CTNND2: variants seen among roughly 807,000 people sequenced by gnomAD.
The protein encoded by CTNND2 is catenin delta-2.
A neutral mutation model predicts 144.4 loss-of-function variants in CTNND2; 22 were observed. That is an observed-to-expected ratio of 0.15 (90% CI 0.11 to 0.22). CTNND2 has a LOEUF of 0.22. Among genes scored for constraint, CTNND2 ranks in the 10% least tolerant of loss-of-function variants. CTNND2 has a pLI of 1.00. For missense variants in CTNND2, 1,353 were observed against 1,618.8 expected (o/e 0.84, Z 2.82); for synonymous variants, 751 against 695.6 (o/e 1.08, Z -1.25).
At position 11,512,133 on chromosome 5, in the gene CTNND2, C is replaced by T. The variant is rs191657322; in HGVS notation, c.287+52811G>A. ...CTTGGGCATATGACCTACGCAGTCT[C>T]ATTGGGCCCCACACTGAGAAGAACA... On this transcript the variant is annotated intron_variant, in intron 3 of 21. Transcript: ENST00000304623. 2.3e-3 allele frequency among the ~76,000 whole-genome samples: 343 copies of T among 152,286 alleles called. 2 individuals are homozygous for T. The highest frequency in any genetic ancestry group is 7.8e-3 in the African/African-American group (326 of 41,560).
intron 3 of CTNND2, among the ~76,000 whole-genome samples, chr5:11,427,234 T>A (rs765150507): frequency 1.3e-5 from 2 of 151,850 alleles, no homozygotes; most frequent in Non-Finnish European, 2.9e-5. Context: ...GAGAAAAGCC[T>A]TAGTATTTTT....
chr5:11,368,272 T>G (rs762496479), intron 7 of CTNND2, among the ~76,000 whole-genome samples: 8 of 152,170 alleles, frequency 5.3e-5, no homozygotes, highest in Non-Finnish European at 1.0e-4. Flanking sequence ...ATTTGCTGTA[T>G]AAGAACTACC....
intron 1 of CTNND2, among the ~76,000 whole-genome samples, chr5:11,792,655 G>C (rs768085508): frequency 2.0e-5 from 3 of 152,152 alleles, no homozygotes; most frequent in Non-Finnish European, 4.4e-5. Context: ...TGCCTGACAT[G>C]GCTTTTTATA....
At chr5:11,706,029 C>G (rs1309636230) in intron 2 of CTNND2, among the ~76,000 whole-genome samples, 1 of 152,200 alleles carries the variant, frequency 6.6e-6, no homozygotes, top group Non-Finnish European at 1.5e-5. Context: ...CACAGGTAGC[C>G]TCTAAGAACT....
At chr5:11,404,599 A>ATTTTTTT (rs1405789135) in intron 5 of CTNND2, among the ~76,000 whole-genome samples, 8 of 32,768 alleles carry the variant, frequency 2.4e-4, no homozygotes, top group Non-Finnish European at 7.7e-4. Flanking sequence ...CAGTATCTGT[A>ATTTTTTT]TTCTTTTTTT....
chr5:11,238,384 C>T (rs1477425083), intron 9 of CTNND2, among the ~76,000 whole-genome samples: 35 of 152,292 alleles, frequency 2.3e-4, no homozygotes. Flanking sequence ...TACATCCTAT[C>T]AATGCCAGGT....
At chr5:11,065,552 C>T (rs912928062) in intron 16 of CTNND2, among the ~76,000 whole-genome samples, 1 of 152,204 alleles carries the variant, frequency 6.6e-6, no homozygotes, top group Non-Finnish European at 1.5e-5. Context: ...AACAAACATC[C>T]TTGCCAATAT....
At chr5:11,875,026 G>T (rs1735455378) in intron 1 of CTNND2, among the ~76,000 whole-genome samples, 1 of 152,122 alleles carries the variant, frequency 6.6e-6, no homozygotes, top group African/African-American at 2.4e-5. Flanking sequence ...TGCCCATGTA[G>T]AAAACAAAGA....
chr5:11,543,797 A>G (rs188682019), intron 3 of CTNND2, among the ~76,000 whole-genome samples: 2 of 152,338 alleles, frequency 1.3e-5, no homozygotes, highest in East Asian at 3.9e-4. Flanking sequence ...ATTACTAATG[A>G]TGCTCTACCC....
At chr5:11,104,239 T>C (rs1432662183) in intron 14 of CTNND2, among the ~76,000 whole-genome samples, 1 of 152,198 alleles carries the variant, frequency 6.6e-6, no homozygotes, top group African/African-American at 2.4e-5. Flanking sequence ...CCAGAGATGC[T>C]GCAAGATAAA....
At chr5:10,995,993 G>C (rs370407962) in intron 18 of CTNND2, among the ~76,000 whole-genome samples, 1 of 152,332 alleles carries the variant, frequency 6.6e-6, no homozygotes, top group East Asian at 1.9e-4. Flanking sequence ...AAGGGAGGAA[G>C]GAAGGGGACG....
chr5:11,761,807 CA>C (rs894895560), intron 1 of CTNND2, among the ~76,000 whole-genome samples: 1 of 151,980 alleles, frequency 6.6e-6, no homozygotes, highest in Non-Finnish European at 1.5e-5. Context: ...CTATTTTATA[CA>C]AAAAATGTGT....
At chr5:11,602,518 T>A (rs1431369668) in intron 2 of CTNND2, among the ~76,000 whole-genome samples, 1 of 151,702 alleles carries the variant, frequency 6.6e-6, no homozygotes, top group Non-Finnish European at 1.5e-5. Context: ...CTTCCAGTAG[T>A]CTGTCCAGAT....
intron 5 of CTNND2, among the ~76,000 whole-genome samples, chr5:11,404,427 G>A (rs1306406777): frequency 6.6e-6 from 1 of 151,866 alleles, no homozygotes; most frequent in Non-Finnish European, 1.5e-5. Flanking sequence ...GAGACCCTTT[G>A]TTCCTGCCAT....
chr5:11,601,325 T>G (rs1450962982), intron 2 of CTNND2, among the ~76,000 whole-genome samples: 1 of 152,186 alleles, frequency 6.6e-6, no homozygotes, highest in African/African-American at 2.4e-5. Flanking sequence ...TCTTCTCCAT[T>G]TTGCATAGAC....
intron 1 of CTNND2, among the ~76,000 whole-genome samples, chr5:11,819,145 C>T (rs944674340): frequency 6.6e-6 from 1 of 152,026 alleles, no homozygotes; most frequent in African/African-American, 2.4e-5. Context: ...CAAATGTGAC[C>T]AAAGGAGGTA....
chr5:11,887,281 C>A (rs1333134607), intron 1 of CTNND2, among the ~76,000 whole-genome samples: 2 of 152,078 alleles, frequency 1.3e-5, no homozygotes, highest in Non-Finnish European at 2.9e-5. Flanking sequence ...CCACATCCGG[C>A]CTATTCTACT....
chr5:11,287,806 T>C (rs1747903847), intron 9 of CTNND2, among the ~76,000 whole-genome samples: 1 of 152,174 alleles, frequency 6.6e-6, no homozygotes, highest in Admixed American at 6.5e-5. Flanking sequence ...ATAAGTTGAT[T>C]TTCCTCAATT....
rs181514242 is a variant in CTNND2 at position 11,455,789 on chromosome 5, T to A, written c.288-43720A>T. ...AACTAATGCTTATAAAAGAAGGTTTTTTTTTCTGCTCAGAATTAAAGTAAT... is the reference window on the plus strand; with the variant it reads ...AACTAATGCTTATAAAAGAAGGTTTATTTTTCTGCTCAGAATTAAAGTAAT... On this transcript the variant is annotated intron_variant, in intron 3 of 21. Coordinates refer to ENST00000304623, the MANE Select transcript of CTNND2 (RefSeq NM_001332.4). Among the ~76,000 whole-genome samples the A allele has an allele frequency of 3.2e-4, 49 of 152,322 alleles. 1 individual carries two copies. The highest frequency in any genetic ancestry group is 1.2e-3 in the African/African-American group (48 of 41,578).
Sources: gnomAD v4.1 joint callset for allele counts (sites outside exome capture counted in the v4.1 genomes callset) on GRCh38, gnomAD v4.1.1 for gene constraint, MANE v1.5 for transcripts, NCBI Gene and HGNC (gene_info 2026-07-23, HGNC 2026-07-21) for gene names.